CARF: variants seen among roughly 807,000 people sequenced by gnomAD.
CARF encodes the protein calcium responsive transcription factor, also known as calcium-responsive transcription factor.
Under a neutral mutation model 82.0 loss-of-function variants are expected in CARF, and 57 were observed. The ratio of observed to expected loss-of-function variants is 0.70; its 90% CI spans 0.56 to 0.87. The LOEUF (loss-of-function observed/expected upper bound fraction) is 0.87. CARF is among the 40% of genes least tolerant of loss of function. The probability of loss-of-function intolerance (pLI) is 0.00; values close to 1 mark genes in which losing one functional copy is unlikely to be tolerated. For missense variants in CARF, 771 were observed against 855.8 expected (o/e 0.90, Z 1.24); for synonymous variants, 268 against 290.1 (o/e 0.92, Z 0.77).
intron 5 of CARF, among the ~76,000 whole-genome samples, chr2:202,949,741 G>A (rs2058674541): frequency 6.6e-6 from 1 of 151,964 alleles, no homozygotes; most frequent in South Asian, 2.1e-4. Flanking sequence ...AGTAGAGACG[G>A]GTTTCATCAT....
chr2:202,955,443 C>CTACGTG (rs1372203886), intron 7 of CARF, among the ~76,000 whole-genome samples: 4 of 152,140 alleles, frequency 2.6e-5, no homozygotes, highest in Non-Finnish European at 2.9e-5. Flanking sequence ...GTTGTTGGGA[C>CTACGTG]TACGTGTATC....
At position 202,955,696 on chromosome 2, in the gene CARF, G is replaced by T; in HGVS notation, c.580G>T (p.Gly194Trp). ...VTGMLEEPLLGPLQPLSSNTP... is the reference protein window; with the variant it reads ...VTGMLEEPLLWPLQPLSSNTP... ...CAGAATGCTGGAAGAACCCCTTCTG[G>T]GGCCTCTTCAGCCACTTTCTTCTAA... Residue 194 changes from glycine to tryptophan, a missense_variant, in exon 8 of 17, where the codon GGG (glycine) becomes TGG (tryptophan). Gly to Trp is a radical substitution (Grantham distance 184). Coordinates refer to ENST00000438828, the MANE Select transcript of CARF (RefSeq NM_024744.17). 1 of 1,607,492 alleles carries T rather than the reference G, an allele frequency of 6.2e-7. No individual in the cohort carries two copies. Among genetic ancestry groups the T allele is most frequent in the South Asian group, 1.1e-5 (1 of 90,102 alleles).
intron 2 of CARF, among the ~76,000 whole-genome samples, chr2:202,919,548 A>G (rs950926594): frequency 9.9e-5 from 15 of 152,178 alleles, no homozygotes; most frequent in African/African-American, 3.4e-4. Context: ...TTAGAGCTCT[A>G]GCTTTTGGGT....
chr2:202,951,482 G>A (rs1420959126), intron 5 of CARF, among the ~76,000 whole-genome samples: 1 of 152,118 alleles, frequency 6.6e-6, no homozygotes, highest in Non-Finnish European at 1.5e-5. Flanking sequence ...AGAGTAGTAT[G>A]TTAAGTAATA....
rs776099162 is a variant in CARF, at chr2:202,982,428, C to A, written c.2046C>A (p.Asn682Lys). 1.2e-6 allele frequency: 2 copies of A among 1,613,794 alleles called. No homozygotes were observed. The highest frequency in any genetic ancestry group is 1.7e-6 in the Non-Finnish European group (2 of 1,179,946). ...VQTIPIQIID[N>K]HSALIEENPE... ...CTATTCCAATACAGATTATAGACAACCACTCAGCTCTTAGTAAGTTGAAAT... is the reference window on the plus strand; with the variant it reads ...CTATTCCAATACAGATTATAGACAAACACTCAGCTCTTAGTAAGTTGAAAT... The change falls in exon 16 of 17, where the codon AAC becomes AAA. Residue 682 changes from asparagine to lysine, a missense_variant. Transcript: ENST00000438828.
Position 202,952,692 on chromosome 2 carries a change from G to C in CARF, c.427+13G>C. ...AATAGTCCTCGGGGTGAGTAACAAC[G>C]GGATATAGGGGATTTGAGAGTGTTT... is the stretch of plus-strand genomic sequence containing the variant. On this transcript the variant is annotated intron_variant, in intron 6 of 16. Transcript: ENST00000438828. The C allele has an allele frequency of 1.3e-6, 2 of 1,593,418 alleles. No individual in the cohort carries two copies. Among genetic ancestry groups the C allele is most frequent in the East Asian group, 4.5e-5 (2 of 44,778 alleles).
At chr2:202,954,903 A>G (rs1026357006) in intron 7 of CARF, among the ~76,000 whole-genome samples, 1 of 150,708 alleles carries the variant, frequency 6.6e-6, no homozygotes, top group Non-Finnish European at 1.5e-5. Flanking sequence ...AGTCCCAGCC[A>G]CTTGGGAGGC....
chr2:202,942,094 C>G lies in CARF; in HGVS notation c.78+114C>G, dbSNP rs370742344. The G allele has an allele frequency of 1.2e-5, 10 of 820,548 alleles. No individual in the cohort carries two copies. In the East Asian group the frequency reaches 1.4e-4, roughly 12 times the overall value. 50.8% of individuals were successfully genotyped at this position (820,548 alleles called of 1,614,324 possible). On this transcript the variant is annotated intron_variant, in intron 4 of 16. Coordinates refer to ENST00000438828, the MANE Select transcript of CARF (RefSeq NM_024744.17). Reference sequence around the variant, plus strand: ...ATTTAGTGTATTCAAGAATTTTGAGCTGGGCGTGGTGGCTGACACCTGTGA... The same window carrying G: ...ATTTAGTGTATTCAAGAATTTTGAGGTGGGCGTGGTGGCTGACACCTGTGA...
chr2:202,932,953 G>A (rs1004170641), intron 3 of CARF, among the ~76,000 whole-genome samples: 1 of 152,154 alleles, frequency 6.6e-6, no homozygotes, highest in Non-Finnish European at 1.5e-5. Context: ...GTTCTCCAGG[G>A]GCCCATGTGC....
intron 1 of CARF, among the ~76,000 whole-genome samples, chr2:202,914,843 G>A (rs1288431820): frequency 6.6e-6 from 1 of 151,744 alleles, no homozygotes; most frequent in East Asian, 1.9e-4. Context: ...AGTAAAACAT[G>A]GGTAGAAATG....
intron 12 of CARF, among the ~76,000 whole-genome samples, chr2:202,973,032 G>C (rs1414605939): frequency 6.6e-6 from 1 of 152,060 alleles, no homozygotes; most frequent in Non-Finnish European, 1.5e-5. Context: ...CCAAGAAGAT[G>C]GGATTGCAGA....
chr2:202,966,913 T>C (rs1224953472), intron 9 of CARF, 65 bp from the exon 10 acceptor site: 1 of 1,504,696 alleles, frequency 6.6e-7, no homozygotes, highest in Non-Finnish European at 8.9e-7. Context: ...CCAAGTTACT[T>C]TTAATCTAGT....
intron 11 of CARF, 132 bp downstream of exon 11, chr2:202,970,194 G>T: frequency 1.3e-6 from 1 of 785,950 alleles, no homozygotes; most frequent in East Asian, 3.1e-5. Context: ...GATATCAATA[G>T]TTCCCTAGGT....
intron 14 of CARF, among the ~76,000 whole-genome samples, chr2:202,978,029 A>G (rs912910361): frequency 1.4e-4 from 22 of 152,152 alleles, no homozygotes; most frequent in African/African-American, 5.1e-4. Context: ...TATTTTTAGT[A>G]GAGACAGGGT....
intron 8 of CARF, among the ~76,000 whole-genome samples, chr2:202,958,168 C>G (rs72926791): frequency 0.09 from 13,568 of 151,016 alleles, 742 homozygotes; most frequent in Non-Finnish European, 0.13. Flanking sequence ...TCATAAAAAA[C>G]CTTGTGCTAT....
At chr2:202,947,331 A>C (rs919321684) in intron 5 of CARF, among the ~76,000 whole-genome samples, 1 of 152,210 alleles carries the variant, frequency 6.6e-6, no homozygotes, top group African/African-American at 2.4e-5. Flanking sequence ...TTGCAGGGAC[A>C]TGGCTGAAGC....
chr2:202,984,923 G>A lies in CARF; in HGVS notation c.*1299G>A, dbSNP rs1287873442. ...ATACAAAAATTAGCTGGGTGTGGTG[G>A]TGGGCACCTGTAATCCCAGCTACTT... On this transcript the variant is annotated 3_prime_UTR_variant, in exon 17 of 17. Transcript: ENST00000438828. 2.0e-5 allele frequency: 3 copies of A among 152,232 alleles called. No individual in the cohort carries two copies. Among genetic ancestry groups the A allele is most frequent in the African/African-American group, 7.2e-5 (3 of 41,500 alleles). 9.4% of individuals were successfully genotyped at this position (152,232 alleles called of 1,614,324 possible). A position where few individuals can be genotyped will look rare whatever the true frequency, so the allele number is the denominator to read the frequency against.
At position 202,983,579 on chromosome 2, in the gene CARF, G is replaced by A; in HGVS notation, c.2133G>A (p.Met711Ile). The A allele has an allele frequency of 6.2e-7, 1 of 1,610,730 alleles. No homozygotes were observed. Among genetic ancestry groups the A allele is most frequent in the African/African-American group, 1.3e-5 (1 of 74,754 alleles). The change falls in exon 17 of 17, where the codon ATG becomes ATA. Residue 711 changes from methionine to isoleucine, a missense_variant. Coordinates refer to ENST00000438828, the MANE Select transcript of CARF (RefSeq NM_024744.17). ...AACCCAAAGAACCAGCATTGTCTAT[G>A]GAAGCAAAAAAAACTGTGGACTATA... ...KQEPKEPALS[M>I]EAKKTVDYKK...
In CARF at chr2:202,954,152, A is replaced by C. The variant is rs1440476768; in HGVS notation, c.557+18A>C. On this transcript the variant is annotated intron_variant, in intron 7 of 16. Coordinates refer to ENST00000438828, the MANE Select transcript of CARF (RefSeq NM_024744.17). ...GTGACCGGGTGAGTCCACGGGAAAGAGAAGCTCATCTTTTAATATCACCAT... is the reference window on the plus strand; with the variant it reads ...GTGACCGGGTGAGTCCACGGGAAAGCGAAGCTCATCTTTTAATATCACCAT... 6.3e-7 allele frequency: 1 copy of C among 1,598,762 alleles called. No individual in the cohort carries two copies. Among genetic ancestry groups the C allele is most frequent in the African/African-American group, 1.4e-5 (1 of 73,988 alleles).
Sources: gnomAD v4.1 joint callset for allele counts (sites outside exome capture counted in the v4.1 genomes callset) on GRCh38, gnomAD v4.1.1 for gene constraint, MANE v1.5 for transcripts, NCBI Gene and HGNC (gene_info 2026-07-23, HGNC 2026-07-21) for gene names.